HTT: variants seen among roughly 807,000 people sequenced by gnomAD.
HTT encodes huntingtin.
In HTT, 104 loss-of-function variants were observed where a neutral mutation model predicts 362.3. The ratio of observed to expected loss-of-function variants is 0.29; its 90% confidence interval spans 0.24 to 0.34. HTT has a LOEUF of 0.34. Among genes scored for constraint, HTT ranks in the 10% least tolerant of loss-of-function variants. The pLI is 1.00. For synonymous variants in HTT, 1,577 were observed against 1,548.7 expected (o/e 1.02, Z -0.43); for missense variants, 3,301 against 3,928.6 (o/e 0.84, Z 4.27).
chr4:3,116,336 A>G, intron 8 of HTT, 73 bp downstream of exon 8: 2 of 1,322,162 alleles, frequency 1.5e-6, no homozygotes, highest in Non-Finnish European at 2.1e-6. Context: ...AATTTGGAAG[A>G]GAAGCGGCAG....
At chr4:3,125,402 G>A (rs1715477457) in intron 10 of HTT, 147 bp from the exon 11 acceptor site, 1 of 554,052 alleles carries the variant, frequency 1.8e-6, no homozygotes. Flanking sequence ...TTAATACTGT[G>A]GAGGTATAAA....
Position 3,233,285 on chromosome 4 carries a change from C to T in HTT, c.8388C>T (p.Asp2796=), listed in dbSNP as rs769866904. The T allele has an allele frequency of 4.2e-5, 68 of 1,611,278 alleles. No homozygotes were observed. The highest frequency in any genetic ancestry group is 9.3e-5 in the African/African-American group (7 of 74,928). ...VLYVLECDLL[D]DTAKQLIPVI... is the part of the protein sequence containing the mutation. Reference sequence around the variant, plus strand: ...ATGTGCTGGAGTGCGACCTGCTGGACGACACTGCCAAGCAGCTCATCCCGG... The same window carrying T: ...ATGTGCTGGAGTGCGACCTGCTGGATGACACTGCCAAGCAGCTCATCCCGG... The change falls in exon 61 of 67, where the codon GAC becomes GAT. Residue 2796 remains aspartate (D), a synonymous_variant. Transcript: ENST00000355072.
chr4:3,214,976 T>C (rs1475783567), intron 50 of HTT, 134 bp from the exon 51 acceptor site: 1 of 655,024 alleles, frequency 1.5e-6, no homozygotes, highest in Non-Finnish European at 2.6e-6. Context: ...TTGTCTAAAA[T>C]TGGTTCTAAG....
chr4:3,131,482 C>T, intron 15 of HTT, 85 bp downstream of exon 15: 1 of 1,451,046 alleles, frequency 6.9e-7, no homozygotes, highest in Middle Eastern at 1.7e-4. Flanking sequence ...GCCTTGCGTG[C>T]AGCAGAGGAA....
intron 27 of HTT, 138 bp downstream of exon 27, chr4:3,154,557 G>T: frequency 8.3e-7 from 1 of 1,201,350 alleles, no homozygotes; most frequent in Admixed American, 3.0e-5. Context: ...CTCCAGGTGC[G>T]GTTCAAGATA....
At chr4:3,191,260 G>A (rs897258323) in intron 40 of HTT, among the ~76,000 whole-genome samples, 2 of 151,154 alleles carry the variant, frequency 1.3e-5, no homozygotes, top group African/African-American at 4.9e-5. Context: ...CGCAACCTCT[G>A]CCTCCCAGGT....
In HTT at chr4:3,239,892, G is replaced by C; in HGVS notation, c.9262G>C (p.Val3088Leu). 3.8e-6 allele frequency: 6 copies of C among 1,570,886 alleles called. No individual in the cohort carries two copies. Among genetic ancestry groups the C allele is most frequent in the Non-Finnish European group, 5.2e-6 (6 of 1,156,966 alleles). Residue 3088 changes from valine to leucine, a missense_variant, in exon 67 of 67, where the codon GTG becomes CTG. By Grantham distance (32) the Val-to-Leu change is conservative (BLOSUM62 1). This residue lies in a region of HTT where 753 missense variants were observed against 1,021.3 expected (regional missense o/e 0.74). Transcript: ENST00000355072. ...SRMGKLEQVD[V>L]NLFCLVATDF... ...GATGGGCAAGCTGGAGCAGGTGGAC[G>C]TGAACCTTTTCTGCCTGGTCGCCAC... is the stretch of plus-strand genomic sequence containing the variant.
chr4:3,165,767 C>T (rs1192439400), intron 29 of HTT, among the ~76,000 whole-genome samples: 1 of 151,920 alleles, frequency 6.6e-6, no homozygotes, highest in Non-Finnish European at 1.5e-5. Context: ...TCCATCAGGT[C>T]ATTTAAGCTC....
chr4:3,217,605 C>T (rs1720473965), intron 51 of HTT, among the ~76,000 whole-genome samples, 160 bp from the exon 52 acceptor site: 2 of 152,126 alleles, frequency 1.3e-5, no homozygotes, highest in Non-Finnish European at 2.9e-5. Flanking sequence ...ATGGTATAGG[C>T]GGATATGAAG....
intron 42 of HTT, among the ~76,000 whole-genome samples, chr4:3,205,943 T>A (rs1719835140): frequency 6.6e-6 from 1 of 152,096 alleles, no homozygotes; most frequent in South Asian, 2.1e-4. Context: ...AAATCTTAAA[T>A]ATCTACACTT....
rs756640743 is a variant in HTT, at chr4:3,167,983, G to A, written c.3865-4337G>A. ...AGCTTTCTCGCATATCCTTTTGTTT[G>A]TACTTTGGAAGCCTCACCTGCTTAA... On this transcript the variant is annotated intron_variant, in intron 29 of 66. Coordinates refer to ENST00000355072, the MANE Select transcript of HTT (RefSeq NM_001388492.1). Among the ~76,000 whole-genome samples the A allele has an allele frequency of 1.1e-4, 17 of 152,174 alleles. 1 individual carries two copies. The highest frequency in any genetic ancestry group is 4.1e-4 in the South Asian group (2 of 4,824).
intron 29 of HTT, among the ~76,000 whole-genome samples, chr4:3,164,898 A>G (rs926238225): frequency 6.6e-6 from 1 of 152,186 alleles, no homozygotes; most frequent in African/African-American, 2.4e-5. Flanking sequence ...GTGTCTTTTA[A>G]TTGGGGCATT....
chr4:3,125,502 C>T (rs374649639), intron 10 of HTT, 47 bp from the exon 11 acceptor site: 17 of 1,275,236 alleles, frequency 1.3e-5, no homozygotes, highest in Non-Finnish European at 1.8e-5. Context: ...ATTTTGAAGT[C>T]CTTATTTTTA....
chr4:3,083,040 C>G (rs1713000936), intron 1 of HTT, among the ~76,000 whole-genome samples: 1 of 152,032 alleles, frequency 6.6e-6, no homozygotes, highest in South Asian at 2.1e-4. Context: ...AAGAGAGGTC[C>G]AGGCAGAGTT....
intron 2 of HTT, among the ~76,000 whole-genome samples, chr4:3,093,981 G>A (rs1478189819): frequency 6.9e-6 from 1 of 145,540 alleles, no homozygotes; most frequent in Admixed American, 7.1e-5. Flanking sequence ...ATTTGGCAGG[G>A]TCATAGGACA....
intron 2 of HTT, among the ~76,000 whole-genome samples, chr4:3,087,297 A>G (rs143619254): frequency 1.3e-5 from 2 of 152,348 alleles, no homozygotes; most frequent in East Asian, 3.9e-4. Context: ...CTTAGCAACT[A>G]TAGTTATTTT....
intron 25 of HTT, 49 bp from the exon 26 acceptor site, chr4:3,147,956 C>A: frequency 6.9e-7 from 1 of 1,454,562 alleles, no homozygotes; most frequent in South Asian, 1.2e-5. Flanking sequence ...GCAATTTGTC[C>A]TTCCCATGCT....
At chr4:3,229,582 G>A (rs1340337020) in intron 59 of HTT, among the ~76,000 whole-genome samples, 1 of 146,102 alleles carries the variant, frequency 6.8e-6, no homozygotes, top group African/African-American at 2.6e-5. Flanking sequence ...GTACACACAT[G>A]TATATACACA....
chr4:3,210,060 C>A, intron 47 of HTT, 111 bp downstream of exon 47: 1 of 1,357,048 alleles, frequency 7.4e-7, no homozygotes, highest in African/African-American at 1.4e-5. Flanking sequence ...GTTGGGGACT[C>A]CAGTCTGGGC....
Sources: allele counts gnomAD v4.1 joint callset (sites outside exome capture counted in the v4.1 genomes callset), GRCh38; gene constraint gnomAD v4.1.1; regional missense constraint gnomAD v4.1.1; transcripts MANE v1.5; gene names NCBI Gene and HGNC (gene_info 2026-07-23, HGNC 2026-07-21).